The following CAV1 variants were observed in gnomAD, a reference collection of about 807,000 sequenced individuals.
CAV1 encodes caveolin-1.
In CAV1, 10 loss-of-function variants were observed where a neutral mutation model predicts 16.5. That is an observed-to-expected ratio of 0.61 (90% CI 0.37 to 1.03). The LOEUF is 1.03. Ranked by LOEUF, CAV1 falls within the 50% of genes least tolerant of loss-of-function variation. The pLI is 0.01. For missense variants in CAV1, 212 were observed against 232.8 expected (o/e 0.91, Z 0.58); for synonymous variants, 76 against 85.1 (o/e 0.89, Z 0.59).
chr7:116,555,636 A>G (rs911934301), intron 2 of CAV1, among the ~76,000 whole-genome samples: 9 of 147,668 alleles, frequency 6.1e-5, no homozygotes, highest in African/African-American at 2.2e-4. Context: ...GGAGGGAGGG[A>G]GAGGAGAGAA....
chr7:116,542,195 A>G (rs1793954878), intron 2 of CAV1, among the ~76,000 whole-genome samples: 1 of 152,216 alleles, frequency 6.6e-6, no homozygotes, highest in Non-Finnish European at 1.5e-5. Context: ...CACGTTGCAT[A>G]TTCACACAGT....
chr7:116,536,828 C>T (rs1464332734), intron 2 of CAV1, among the ~76,000 whole-genome samples: 1 of 151,442 alleles, frequency 6.6e-6, no homozygotes, highest in Non-Finnish European at 1.5e-5. Flanking sequence ...AAGGTGAAAC[C>T]CCGTCTCTAC....
chr7:116,525,271 G>A (rs1252406844), intron 1 of CAV1, 179 bp downstream of exon 1: 1 of 1,582,082 alleles, frequency 6.3e-7, no homozygotes, highest in Admixed American at 1.9e-5. Context: ...GAGAAGCCAG[G>A]AATGTTTTAT....
chr7:116,532,879 T>C (rs1363589672), intron 2 of CAV1, among the ~76,000 whole-genome samples: 1 of 152,214 alleles, frequency 6.6e-6, no homozygotes, highest in African/African-American at 2.4e-5. Flanking sequence ...CATAATGGCC[T>C]AATGCTTTCA....
At chr7:116,536,323 A>G (rs1024701463) in intron 2 of CAV1, among the ~76,000 whole-genome samples, 5 of 152,152 alleles carry the variant, frequency 3.3e-5, no homozygotes, top group African/African-American at 1.2e-4. Flanking sequence ...GTGATGACCC[A>G]ATCAGGCTCA....
At chr7:116,527,641 G>A (rs576528214) in intron 2 of CAV1, among the ~76,000 whole-genome samples, 2 of 152,268 alleles carry the variant, frequency 1.3e-5, no homozygotes, top group African/African-American at 4.8e-5. Context: ...AGCCATCCTT[G>A]GCAAAGGGTT....
intron 2 of CAV1, among the ~76,000 whole-genome samples, chr7:116,555,948 G>A (rs998158249): frequency 6.6e-6 from 1 of 152,030 alleles, no homozygotes; most frequent in Admixed American, 6.6e-5. Context: ...CTTTAAAACT[G>A]CCTTAAATTT....
intron 2 of CAV1, among the ~76,000 whole-genome samples, chr7:116,551,597 A>G (rs9886215): frequency 0.2 from 29,795 of 152,182 alleles, 3,444 homozygotes; most frequent in African/African-American, 0.32. Flanking sequence ...AAAATAAGAA[A>G]TCATCATCAG....
intron 2 of CAV1, among the ~76,000 whole-genome samples, chr7:116,549,180 C>G (rs1356661177): frequency 6.6e-6 from 1 of 152,200 alleles, no homozygotes; most frequent in African/African-American, 2.4e-5. Flanking sequence ...GACAAAGTCA[C>G]TTTTGTCGCC....
At chr7:116,539,984 A>G (rs866211686) in intron 2 of CAV1, among the ~76,000 whole-genome samples, 2 of 152,160 alleles carry the variant, frequency 1.3e-5, no homozygotes, top group Non-Finnish European at 2.9e-5. Context: ...GAGAGGAATG[A>G]CTAGATCAGG....
At position 116,525,043 on chromosome 7, in the gene CAV1, T is replaced by A; in HGVS notation, c.-20T>A. 6.2e-7 allele frequency: 1 copy of A among 1,614,110 alleles called. No homozygotes were observed. Among genetic ancestry groups the A allele is most frequent in the Non-Finnish European group, 8.5e-7 (1 of 1,179,986 alleles). ...GCCCAGGGAAACCTCCTCACAGTTT[T>A]CATCCAGCCACGGGCCAGCATGTCT... On this transcript the variant is annotated 5_prime_UTR_variant, in exon 1 of 3. Coordinates refer to ENST00000341049, the MANE Select transcript of CAV1 (RefSeq NM_001753.5).
intron 2 of CAV1, among the ~76,000 whole-genome samples, chr7:116,551,547 T>A (rs189933390): frequency 3.9e-5 from 6 of 152,264 alleles, no homozygotes; most frequent in Admixed American, 3.9e-4. Flanking sequence ...TCTGTAAACA[T>A]GAAAACTGAA....
chr7:116,528,988 C>T (rs956990770), intron 2 of CAV1, among the ~76,000 whole-genome samples: 1 of 151,992 alleles, frequency 6.6e-6, no homozygotes, highest in Non-Finnish European at 1.5e-5. Context: ...CGCCACCATG[C>T]CGGGTTAATA....
rs11977814 is a variant in CAV1, at chr7:116,529,759, T to C, written c.195+3070T>C. Among the ~76,000 whole-genome samples the C allele has an allele frequency of 3.0e-3, 459 of 152,334 alleles. 2 individuals carry two copies. The highest frequency in any genetic ancestry group is 0.01 in the African/African-American group (425 of 41,574). ...ATTAATTTCTCATCTTACTAAAAGC[T>C]TGCTGCTCCACATTATGAGACAATT... is the stretch of plus-strand genomic sequence containing the variant. On this transcript the variant is annotated intron_variant, in intron 2 of 2. Coordinates refer to ENST00000341049, the MANE Select transcript of CAV1 (RefSeq NM_001753.5).
chr7:116,532,336 G>T (rs915805989), intron 2 of CAV1, among the ~76,000 whole-genome samples: 10 of 152,174 alleles, frequency 6.6e-5, no homozygotes, highest in Non-Finnish European at 1.5e-4. Flanking sequence ...AAATGAAACT[G>T]CTTTTTAGTT....
intron 2 of CAV1, among the ~76,000 whole-genome samples, chr7:116,546,941 G>A (rs934410872): frequency 6.6e-6 from 1 of 152,174 alleles, no homozygotes; most frequent in Non-Finnish European, 1.5e-5. Flanking sequence ...TTTTTCTGAA[G>A]CCTATAGGGA....
intron 1 of CAV1, chr7:116,525,712 G>A (rs903974259): frequency 9.5e-5 from 102 of 1,068,380 alleles, no homozygotes; most frequent in East Asian, 1.6e-4. Flanking sequence ...CTCTGCCCGG[G>A]TGTGGAAACC....
intron 2 of CAV1, among the ~76,000 whole-genome samples, chr7:116,553,504 A>G (rs544939754): frequency 5.9e-5 from 9 of 152,234 alleles, no homozygotes; most frequent in African/African-American, 1.4e-4. Context: ...TTAGGTCTGC[A>G]TAATACTTCC....
At chr7:116,525,841 T>TG in intron 1 of CAV1, 1 of 998,600 alleles carries the variant, frequency 1.0e-6, no homozygotes, top group Non-Finnish European at 1.2e-6. Context: ...GGGGGTCTGG[T>TG]GCCTGGCTCC....
Sources: gnomAD v4.1 joint callset for allele counts (sites outside exome capture counted in the v4.1 genomes callset) on GRCh38, gnomAD v4.1.1 for gene constraint, MANE v1.5 for transcripts, NCBI Gene and HGNC (gene_info 2026-07-23, HGNC 2026-07-21) for gene names.